SOX6: variants seen among roughly 807,000 people sequenced by gnomAD.
SOX6 encodes the protein transcription factor SOX-6.
SOX6 carries 11 observed loss-of-function variants against 97.8 expected under a neutral mutation model. That is an observed-to-expected ratio of 0.11 (90% CI 0.07 to 0.19). SOX6 has a LOEUF of 0.19. Among genes scored for constraint, SOX6 ranks in the 10% least tolerant of loss-of-function variants. The pLI, the probability that SOX6 is intolerant of heterozygous loss-of-function variation, is 1.00. For synonymous variants in SOX6, 360 were observed against 371.4 expected, an observed-to-expected ratio of 0.97 and a Z score of 0.35; for missense variants, 810 against 1,039.5, an observed-to-expected ratio of 0.78 and a Z score of 3.04.
At chr11:16,444,049 T>A (rs1859565477) in intron 1 of SOX6, among the ~76,000 whole-genome samples, 1 of 151,918 alleles carries the variant, frequency 6.6e-6, no homozygotes, top group African/African-American at 2.4e-5. Context: ...GACCTTTTTT[T>A]AAGTATTTTG....
At chr11:16,504,485 T>G (rs1364849727) in intron 4 of SOX6, among the ~76,000 whole-genome samples, 2 of 151,778 alleles carry the variant, frequency 1.3e-5, no homozygotes, top group Admixed American at 1.3e-4. Flanking sequence ...CAATCCTATT[T>G]ACAATAGCTA....
At chr11:16,406,691 A>C (rs979286490) in intron 1 of SOX6, among the ~76,000 whole-genome samples, 7 of 152,120 alleles carry the variant, frequency 4.6e-5, no homozygotes, top group African/African-American at 1.7e-4. Context: ...TTGGAAGGGC[A>C]CTGAAAAGTT....
intron 9 of SOX6, among the ~76,000 whole-genome samples, chr11:16,063,510 AT>A (rs1414365097): frequency 5.2e-5 from 2 of 38,566 alleles, no homozygotes; most frequent in East Asian, 1.0e-3. Flanking sequence ...ATATATATAT[AT>A]ATATATATAT....
chr11:16,221,974 G>C (rs1243425984), intron 4 of SOX6, among the ~76,000 whole-genome samples: 1 of 152,072 alleles, frequency 6.6e-6, no homozygotes, highest in Non-Finnish European at 1.5e-5. Context: ...ACTGCCACTT[G>C]CCAAATTTGG....
chr11:16,308,392 T>C (rs1855499591), intron 3 of SOX6, among the ~76,000 whole-genome samples: 1 of 152,180 alleles, frequency 6.6e-6, no homozygotes, highest in African/African-American at 2.4e-5. Flanking sequence ...TAGACCAACA[T>C]CCTCATTTTA....
chr11:16,461,829 T>C (rs901055080), intron 1 of SOX6, among the ~76,000 whole-genome samples: 1 of 152,206 alleles, frequency 6.6e-6, no homozygotes, highest in Non-Finnish European at 1.5e-5. Context: ...AAATGTAATT[T>C]AATTAGCATT....
rs1855817165 is a variant in SOX6, at chr11:16,318,470, C to T, written c.421G>A (p.Glu141Lys). ...VDTLKQKKLE[E>K]MTRTEQEDSS... ...CCCTCTTGTTCAGTCCGAGTCATTTCCTCAAGCTTCTTCTGTTTCAGTGTG... is the reference window on the plus strand; with the variant it reads ...CCCTCTTGTTCAGTCCGAGTCATTTTCTCAAGCTTCTTCTGTTTCAGTGTG... The change falls in exon 3 of 16, where the codon GAA becomes AAA. Residue 141 changes from glutamate to lysine, a missense_variant. Glu to Lys is a moderately conservative substitution (Grantham distance 56). This residue lies in a region of SOX6 where 46 missense variants were observed against 84.1 expected (regional missense o/e 0.55). Transcript: ENST00000683767. 2 of 1,613,170 alleles carry T rather than the reference C, an allele frequency of 1.2e-6. No homozygotes were observed. Among genetic ancestry groups the T allele is most frequent in the Non-Finnish European group, 1.7e-6 (2 of 1,179,650 alleles).
At chr11:16,619,017 T>C (rs1848506120) in intron 3 of SOX6, among the ~76,000 whole-genome samples, 1 of 152,026 alleles carries the variant, frequency 6.6e-6, no homozygotes, top group African/African-American at 2.4e-5. Flanking sequence ...GTTTTACTTA[T>C]TGGTGTGAAA....
chr11:16,344,759 AC>A, intron 1 of SOX6, among the ~76,000 whole-genome samples: 1 of 152,042 alleles, frequency 6.6e-6, no homozygotes, highest in Non-Finnish European at 1.5e-5. Flanking sequence ...ATGTGACTTT[AC>A]TTTGTTTTAT....
intron 4 of SOX6, among the ~76,000 whole-genome samples, chr11:16,544,979 T>C (rs1224191574): frequency 6.6e-6 from 1 of 151,982 alleles, no homozygotes; most frequent in African/African-American, 2.4e-5. Flanking sequence ...ATCTCAGCCT[T>C]TAGGAGGCCA....
intron 9 of SOX6, among the ~76,000 whole-genome samples, chr11:16,066,777 T>C (rs1202172045): frequency 6.6e-6 from 1 of 152,066 alleles, no homozygotes; most frequent in East Asian, 1.9e-4. Flanking sequence ...TTGGGGCAGG[T>C]AAGGATGGTT....
intron 1 of SOX6, among the ~76,000 whole-genome samples, chr11:16,380,287 G>A (rs540803693): frequency 6.6e-6 from 1 of 151,984 alleles, no homozygotes; most frequent in African/African-American, 2.4e-5. Flanking sequence ...AACAGCATGT[G>A]CAATAAGATC....
At chr11:16,656,770 G>GA (rs1223561681) in intron 3 of SOX6, among the ~76,000 whole-genome samples, 2 of 151,992 alleles carry the variant, frequency 1.3e-5, no homozygotes, top group Non-Finnish European at 2.9e-5. Flanking sequence ...AACTATGAAA[G>GA]AAAAAATAAT....
chr11:16,273,830 C>T (rs1854323665), intron 3 of SOX6, among the ~76,000 whole-genome samples: 2 of 151,404 alleles, frequency 1.3e-5, no homozygotes, highest in African/African-American at 4.8e-5. Flanking sequence ...ATTCTGCCAA[C>T]TAAAAGAAAA....
chr11:15,999,414 T>C (rs1854330919), intron 13 of SOX6, among the ~76,000 whole-genome samples: 1 of 152,224 alleles, frequency 6.6e-6, no homozygotes, highest in African/African-American at 2.4e-5. Context: ...TGATAGCAGT[T>C]TTATCAATAA....
intron 9 of SOX6, among the ~76,000 whole-genome samples, chr11:16,057,372 A>C (rs1326590194): frequency 6.6e-6 from 1 of 152,086 alleles, no homozygotes; most frequent in Non-Finnish European, 1.5e-5. Context: ...TAGATTTAAG[A>C]TTTGCCTCAT....
chr11:16,430,284 CTTA>C (rs1416169453), intron 1 of SOX6, among the ~76,000 whole-genome samples: 1 of 152,130 alleles, frequency 6.6e-6, no homozygotes, highest in Admixed American at 6.5e-5. Context: ...TAGGTCAATT[CTTA>C]TTATATTTGT....
chr11:16,209,642 A>G (rs1852166624), intron 4 of SOX6, among the ~76,000 whole-genome samples: 1 of 152,032 alleles, frequency 6.6e-6, no homozygotes, highest in African/African-American at 2.4e-5. Context: ...GTCCCCAGCT[A>G]CTCAGGAGGC....
chr11:16,191,900 T>TA (rs1165895347), intron 4 of SOX6, among the ~76,000 whole-genome samples: 4 of 151,714 alleles, frequency 2.6e-5, no homozygotes, highest in Non-Finnish European at 4.4e-5. Flanking sequence ...GGGTCGTCTT[T>TA]ATCCCCAAAC....
Sources: gnomAD v4.1 joint callset for allele counts (sites outside exome capture counted in the v4.1 genomes callset) on GRCh38, gnomAD v4.1.1 for gene constraint, gnomAD v4.1.1 regional missense constraint, MANE v1.5 for transcripts, NCBI Gene and HGNC (gene_info 2026-07-23, HGNC 2026-07-21) for gene names.